Variants in EIF4G3 observed in about 807,000 individuals in gnomAD.
EIF4G3 encodes eukaryotic translation initiation factor 4 gamma 3.
In EIF4G3, 34 loss-of-function variants were observed where a neutral mutation model predicts 186.4. The ratio of observed to expected loss-of-function variants is 0.18; its 90% CI spans 0.14 to 0.24. EIF4G3 has a LOEUF of 0.24. Ranked by LOEUF, EIF4G3 falls within the 10% of genes least tolerant of loss-of-function variation. The pLI is 1.00. For missense variants in EIF4G3, 1,536 were observed against 1,948.5 expected (o/e 0.79, Z 3.99); for synonymous variants, 673 against 679.5 (o/e 0.99, Z 0.15).
At chr1:21,154,312 T>G (rs1182332127) in intron 2 of EIF4G3, among the ~76,000 whole-genome samples, 1 of 152,078 alleles carries the variant, frequency 6.6e-6, no homozygotes, top group Non-Finnish European at 1.5e-5. Flanking sequence ...AAGGGCGTAT[T>G]TTTTTTAATC....
At chr1:20,956,230 C>T (rs1245773103) in intron 12 of EIF4G3, among the ~76,000 whole-genome samples, 1 of 152,152 alleles carries the variant, frequency 6.6e-6, no homozygotes, top group East Asian at 1.9e-4. Context: ...TTCCCATAAT[C>T]CCCATTACAC....
At chr1:21,012,803 G>C (rs2087575436) in intron 4 of EIF4G3, among the ~76,000 whole-genome samples, 1 of 152,118 alleles carries the variant, frequency 6.6e-6, no homozygotes, top group African/African-American at 2.4e-5. Context: ...AACCACCATA[G>C]GAACATATCG....
At position 21,026,966 on chromosome 1, in the gene EIF4G3, T is replaced by C. The variant is rs371910029; in HGVS notation, c.-67+23900A>G. Among the ~76,000 whole-genome samples the C allele has an allele frequency of 1.0e-4, 15 of 148,120 alleles. No individual in the cohort carries two copies. The South Asian group carries it at 2.1e-3, about 21-fold the overall frequency. On this transcript the variant is annotated intron_variant, in intron 4 of 36. Coordinates refer to ENST00000602326, the MANE Select transcript of EIF4G3 (RefSeq NM_001391906.1). The stretch of plus-strand genomic sequence containing the variant: ...AAAAAAAAAAAAAAAGTTAATATCC[T>C]GAATATATAGAACTCCTAAAACTCA...
intron 7 of EIF4G3, among the ~76,000 whole-genome samples, chr1:20,993,653 C>T (rs1026372474): frequency 2.0e-5 from 3 of 152,004 alleles, no homozygotes; most frequent in South Asian, 2.1e-4. Context: ...CATGAAAGGA[C>T]GTAAAGTGAT....
At chr1:21,049,979 T>G (rs2094119578) in intron 4 of EIF4G3, among the ~76,000 whole-genome samples, 1 of 152,208 alleles carries the variant, frequency 6.6e-6, no homozygotes, top group African/African-American at 2.4e-5. Flanking sequence ...TCACCACCTT[T>G]AGCATTATTT....
At chr1:21,111,556 G>C (rs568384602) in intron 2 of EIF4G3, 10 of 311,980 alleles carry the variant, frequency 3.2e-5, no homozygotes, top group Non-Finnish European at 6.4e-5. Context: ...AGCACCAACG[G>C]ATCTCCTAAC....
At chr1:21,114,239 C>T (rs1241411767) in intron 2 of EIF4G3, among the ~76,000 whole-genome samples, 6 of 151,970 alleles carry the variant, frequency 3.9e-5, no homozygotes, top group Non-Finnish European at 7.4e-5. Flanking sequence ...CTCCGCCTCC[C>T]GGGTTCAAGC....
At chr1:20,995,434 G>A (rs762997860) in intron 7 of EIF4G3, among the ~76,000 whole-genome samples, 7 of 152,082 alleles carry the variant, frequency 4.6e-5, no homozygotes, top group African/African-American at 1.7e-4. Context: ...GTGCAGTGGT[G>A]TGATCTTGGC....
chr1:20,953,045 C>G (rs1246132978), intron 12 of EIF4G3, among the ~76,000 whole-genome samples: 3 of 152,136 alleles, frequency 2.0e-5, no homozygotes, highest in Non-Finnish European at 4.4e-5. Flanking sequence ...AGAAATTAAG[C>G]TAGACAGTTA....
chr1:21,016,289 T>A (rs186806702), intron 4 of EIF4G3, among the ~76,000 whole-genome samples: 7 of 152,266 alleles, frequency 4.6e-5, no homozygotes, highest in African/African-American at 1.7e-4. Flanking sequence ...TTCTGTAGAC[T>A]ACACATAAAA....
At chr1:21,099,336 C>A (rs112036309) in intron 2 of EIF4G3, among the ~76,000 whole-genome samples, 160 of 152,296 alleles carry the variant, frequency 1.1e-3, no homozygotes, top group African/African-American at 3.8e-3. Flanking sequence ...CAGTTTCATT[C>A]ATAATGGCCA....
At chr1:21,122,784 G>A (rs1338726621) in intron 2 of EIF4G3, among the ~76,000 whole-genome samples, 1 of 152,150 alleles carries the variant, frequency 6.6e-6, no homozygotes, top group Non-Finnish European at 1.5e-5. Flanking sequence ...ATCGGCTGGG[G>A]TCTTAGTCTG....
intron 10 of EIF4G3, among the ~76,000 whole-genome samples, chr1:20,978,028 A>C (rs1489278896): frequency 6.6e-6 from 1 of 152,200 alleles, no homozygotes; most frequent in African/African-American, 2.4e-5. Context: ...TTCCCTTTGC[A>C]ACACAGAAAT....
intron 6 of EIF4G3, among the ~76,000 whole-genome samples, chr1:21,000,728 T>C (rs2083322662): frequency 6.6e-6 from 1 of 152,152 alleles, no homozygotes; most frequent in African/African-American, 2.4e-5. Context: ...TGGAATGTTA[T>C]GTGTGTGATT....
intron 2 of EIF4G3, among the ~76,000 whole-genome samples, chr1:21,167,747 G>T (rs1181358994): frequency 6.6e-6 from 1 of 151,826 alleles, no homozygotes; most frequent in Non-Finnish European, 1.5e-5. Context: ...AACAGAGTGA[G>T]ACTCCGTCAC....
chr1:20,908,811 C>A (rs568660431), intron 14 of EIF4G3, among the ~76,000 whole-genome samples: 3 of 152,192 alleles, frequency 2.0e-5, no homozygotes, highest in East Asian at 1.9e-4. Flanking sequence ...TTTTATAAAA[C>A]CCACATGTGT....
At chr1:21,021,816 A>G (rs1331689306) in intron 4 of EIF4G3, among the ~76,000 whole-genome samples, 1 of 152,178 alleles carries the variant, frequency 6.6e-6, no homozygotes. Flanking sequence ...TCAGCCTCCC[A>G]AAGTGCTGGG....
At chr1:20,829,035 C>A in intron 31 of EIF4G3, 112 bp downstream of exon 31, 2 of 1,140,858 alleles carry the variant, frequency 1.8e-6, no homozygotes, top group South Asian at 1.5e-5. Context: ...TCACAGCCTG[C>A]ATTCATGAGT....
chr1:20,840,423 T>C (rs1340805831), intron 30 of EIF4G3, among the ~76,000 whole-genome samples: 1 of 152,250 alleles, frequency 6.6e-6, no homozygotes, highest in Non-Finnish European at 1.5e-5. Context: ...ACACAAGTGC[T>C]TCCTAGCCAC....
Sources: allele counts gnomAD v4.1 joint callset (sites outside exome capture counted in the v4.1 genomes callset), GRCh38; gene constraint gnomAD v4.1.1; transcripts MANE v1.5; gene names NCBI Gene and HGNC (gene_info 2026-07-23, HGNC 2026-07-21).